The following LYPLAL1 variants were observed in gnomAD, a reference collection of about 807,000 sequenced individuals.
LYPLAL1 encodes the protein lysophospholipase like 1.
LYPLAL1 carries 23 observed loss-of-function variants against 19.7 expected under a neutral mutation model. The observed-to-expected ratio is 1.17, with a 90% CI of 0.84 to 1.65. The LOEUF (loss-of-function observed/expected upper bound fraction) is 1.65, where lower values mean the gene tolerates loss of function less well. LYPLAL1 is among the 40% of genes most tolerant of loss of function. The pLI, the probability that LYPLAL1 is intolerant of heterozygous loss-of-function variation, is 0.00. For missense variants in LYPLAL1, 355 were observed against 279.4 expected, an observed-to-expected ratio of 1.27 and a Z score of -1.93; for synonymous variants, 119 against 96.3, an observed-to-expected ratio of 1.24 and a Z score of -1.38.
chr1:219,293,330 A>G, the LYPLAL1 span, among the ~76,000 whole-genome samples: 17 of 152,202 alleles, frequency 1.1e-4, no homozygotes, highest in Non-Finnish European at 1.8e-4. Context: ...TTCCCCCCAA[A>G]AAAATAGGTT....
chr1:219,300,038 G>A, the LYPLAL1 span, among the ~76,000 whole-genome samples: 93 of 152,224 alleles, frequency 6.1e-4, no homozygotes, highest in South Asian at 0.019. Context: ...GAGTGCAGTG[G>A]TACAATCACA....
chr1:219,428,604 C>T, the LYPLAL1 span, among the ~76,000 whole-genome samples: 1 of 152,116 alleles, frequency 6.6e-6, no homozygotes. Context: ...TGGAAATGGG[C>T]ACAAATAACT....
At chr1:219,180,083 G>T (rs1034690035) in intron 2 of LYPLAL1, among the ~76,000 whole-genome samples, 1 of 151,996 alleles carries the variant, frequency 6.6e-6, no homozygotes, top group Non-Finnish European at 1.5e-5. Context: ...AGCAGCCTTT[G>T]CCTCCCAAGT....
chr1:219,398,362 T>A, the LYPLAL1 span, among the ~76,000 whole-genome samples: 1 of 152,252 alleles, frequency 6.6e-6, no homozygotes, highest in African/African-American at 2.4e-5. Flanking sequence ...ATACTTGTGA[T>A]TGTATTATGA....
At chr1:219,197,906 G>A (rs1400316097) in intron 3 of LYPLAL1, among the ~76,000 whole-genome samples, 2 of 152,078 alleles carry the variant, frequency 1.3e-5, no homozygotes, top group Admixed American at 1.3e-4. Flanking sequence ...ACCTGTTTGA[G>A]CACCTATATT....
rs80118019 is a variant in LYPLAL1 at position 219,174,859 on chromosome 1, A to C, written c.91+878A>C. ...CTAAAGTTAAAAACAAAAACAATCC[A>C]ATTAGTTTGAGTCAGCAGTGCATGG... On this transcript the variant is annotated intron_variant, in intron 1 of 4. Coordinates refer to ENST00000366928, the MANE Select transcript of LYPLAL1 (RefSeq NM_138794.5). The C allele has an allele frequency of 3.1e-4, 304 of 974,524 alleles. 1 individual carries two copies. Among genetic ancestry groups the C allele is most frequent in the Non-Finnish European group, 3.1e-4 (257 of 820,020 alleles). 60.4% of individuals were successfully genotyped at this position (974,524 alleles called of 1,614,324 possible).
chr1:219,357,445 A>G, the LYPLAL1 span, among the ~76,000 whole-genome samples: 5 of 152,356 alleles, frequency 3.3e-5, no homozygotes, highest in South Asian at 2.1e-4. Context: ...ATATGAACAT[A>G]TGCTTCACAT....
the LYPLAL1 span, among the ~76,000 whole-genome samples, chr1:219,416,979 A>G: frequency 7.9e-5 from 12 of 152,234 alleles, no homozygotes; most frequent in African/African-American, 2.2e-4. Context: ...TTTTCAGCTC[A>G]TTATACTAAA....
the LYPLAL1 span, among the ~76,000 whole-genome samples, chr1:219,434,399 C>T: frequency 2.0e-5 from 3 of 152,116 alleles, no homozygotes; most frequent in Admixed American, 6.6e-5. Flanking sequence ...GGAGCTTCAA[C>T]GGATTAACTT....
chr1:219,246,533 C>T, the LYPLAL1 span, among the ~76,000 whole-genome samples: 24 of 152,280 alleles, frequency 1.6e-4, no homozygotes, highest in African/African-American at 5.5e-4. Flanking sequence ...GACACCAGAA[C>T]TCTCTCCCTT....
At chr1:219,216,947 G>A (rs542686553), downstream of LYPLAL1, among the ~76,000 whole-genome samples, 1 of 152,246 alleles carries the variant, frequency 6.6e-6, no homozygotes, top group South Asian at 2.1e-4. Context: ...CAGCTTTCTA[G>A]TTGTTTCAAG....
chr1:219,382,576 A>G, the LYPLAL1 span, among the ~76,000 whole-genome samples: 1 of 152,042 alleles, frequency 6.6e-6, no homozygotes, highest in Non-Finnish European at 1.5e-5. Flanking sequence ...GTTAGCCAGG[A>G]CGGTCTCGAT....
chr1:219,388,833 G>A, the LYPLAL1 span, among the ~76,000 whole-genome samples: 6 of 152,220 alleles, frequency 3.9e-5, no homozygotes, highest in African/African-American at 1.4e-4. Context: ...CAAATAAGGA[G>A]TATGTTCATT....
the LYPLAL1 span, among the ~76,000 whole-genome samples, chr1:219,441,466 T>C: frequency 6.6e-6 from 1 of 152,204 alleles, no homozygotes; most frequent in Non-Finnish European, 1.5e-5. Context: ...CATGTGTTGA[T>C]AATTGTTTAA....
the LYPLAL1 span, among the ~76,000 whole-genome samples, chr1:219,347,792 G>GTCAATTGGGTGC: frequency 4.6e-5 from 7 of 151,830 alleles, no homozygotes; most frequent in Non-Finnish European, 8.8e-5. Flanking sequence ...GATGAGACAG[G>GTCAATTGGGTGC]TCAATTGGGT....
chr1:219,300,484 A>T, the LYPLAL1 span, among the ~76,000 whole-genome samples: 1 of 151,442 alleles, frequency 6.6e-6, no homozygotes, highest in African/African-American at 2.4e-5. Flanking sequence ...TAAAAGAGGG[A>T]AAAAAGGGGG....
the LYPLAL1 span, among the ~76,000 whole-genome samples, chr1:219,429,040 C>T: frequency 1.3e-5 from 2 of 152,148 alleles, no homozygotes; most frequent in Non-Finnish European, 2.9e-5. Flanking sequence ...TTGTGCCTAC[C>T]TTACCTTTGT....
the LYPLAL1 span, among the ~76,000 whole-genome samples, chr1:219,401,027 T>A: frequency 1.3e-5 from 2 of 152,164 alleles, no homozygotes; most frequent in Non-Finnish European, 2.9e-5. Context: ...TAAGAAGAGA[T>A]TAGAAGTTTT....
At chr1:219,380,524 C>A in the LYPLAL1 span, among the ~76,000 whole-genome samples, 2 of 152,192 alleles carry the variant, frequency 1.3e-5, no homozygotes, top group Non-Finnish European at 2.9e-5. Flanking sequence ...CAGCCTGGTG[C>A]TGGATTCGAA....
Sources: gnomAD v4.1 joint callset for allele counts (sites outside exome capture counted in the v4.1 genomes callset) on GRCh38, gnomAD v4.1.1 for gene constraint, MANE v1.5 for transcripts, NCBI Gene and HGNC (gene_info 2026-07-23, HGNC 2026-07-21) for gene names.